APPL2: variants seen among roughly 807,000 people sequenced by gnomAD.
APPL2 encodes the protein adaptor protein, phosphotyrosine interacting with PH domain and leucine zipper 2.
A neutral mutation model predicts 92.7 loss-of-function variants in APPL2; 84 were observed. The ratio of observed to expected loss-of-function variants is 0.91; its 90% CI spans 0.76 to 1.09. The LOEUF (loss-of-function observed/expected upper bound fraction) is 1.09. Ranked by LOEUF, APPL2 falls within the 50% of genes least tolerant of loss-of-function variation. APPL2 has a pLI of 0.00. For missense variants in APPL2, 736 were observed against 824.5 expected, an observed-to-expected ratio of 0.89 and a Z score of 1.31; for synonymous variants, 291 against 291.0, an observed-to-expected ratio of 1.00 and a Z score of 0.00.
intron 17 of APPL2, among the ~76,000 whole-genome samples, chr12:105,182,114 TC>T (rs1450652383): frequency 6.6e-6 from 1 of 152,158 alleles, no homozygotes; most frequent in Non-Finnish European, 1.5e-5. Context: ...AACCTCCACC[TC>T]CCTGGGTTCA....
chr12:105,193,654 T>C (rs886090987), intron 14 of APPL2, among the ~76,000 whole-genome samples: 3 of 152,236 alleles, frequency 2.0e-5, no homozygotes, highest in Admixed American at 6.5e-5. Context: ...ATGCTACTTG[T>C]ATCAACTGTT....
intron 8 of APPL2, among the ~76,000 whole-genome samples, chr12:105,205,156 G>A (rs541815742): frequency 1.5e-4 from 23 of 152,296 alleles, no homozygotes; most frequent in African/African-American, 5.5e-4. Flanking sequence ...TGCCAAGGTC[G>A]GATGAGGCAG....
intron 17 of APPL2, among the ~76,000 whole-genome samples, chr12:105,182,639 G>GTTCTT (rs1449031036): frequency 6.6e-6 from 1 of 152,166 alleles, no homozygotes; most frequent in Non-Finnish European, 1.5e-5. Flanking sequence ...TGTGATTTCT[G>GTTCTT]TTCTTTTGCA....
In APPL2 at chr12:105,195,469, C is replaced by T; in HGVS notation, c.1128G>A (p.Gln376=). 1 of 1,614,154 alleles carries T rather than the reference C, an allele frequency of 6.2e-7. No homozygotes were observed. Among genetic ancestry groups the T allele is most frequent in the South Asian group, 1.1e-5 (1 of 91,084 alleles). The change falls in exon 13 of 21, where the codon CAG becomes CAA. Residue 376 remains glutamine, a synonymous_variant. Coordinates refer to ENST00000258530, the MANE Select transcript of APPL2 (RefSeq NM_018171.5). ...CCTCAGGGTTGTCGGTCAGGTAGAT[C>T]TGTCTGGAGATGTTGTTTATTGCAC... ...WICAINNISR[Q]IYLTDNPEAV...
rs2272491 is a variant in APPL2, at chr12:105,195,505, T to C, written c.1096-4A>G. 3.6e-3 allele frequency: 5,841 copies of C among 1,614,144 alleles called. 262 individuals carry two copies. The East Asian group carries it at 0.097, about 27-fold the overall frequency. On this transcript the variant is annotated splice_region_variant and splice_polypyrimidine_tract_variant and intron_variant, in intron 12 of 20. Transcript: ENST00000258530. ...TGTTGTTTATTGCACATATCCACTG[T>C]AGAGGACATTAAAAAAGAACACTGA...
At chr12:105,186,667 T>TATGTATC (rs1886707358) in intron 17 of APPL2, among the ~76,000 whole-genome samples, 1 of 33,124 alleles carries the variant, frequency 3.0e-5, no homozygotes, top group African/African-American at 6.6e-5. Context: ...ATATATATCA[T>TATGTATC]ATATATGATA....
intron 17 of APPL2, chr12:105,177,488 TAGA>T (rs914146312): frequency 2.7e-5 from 15 of 557,628 alleles, no homozygotes; most frequent in African/African-American, 5.7e-5. Context: ...ATATAGCAAG[TAGA>T]AGATTTAACT....
chr12:105,195,210 A>C (rs537120689), intron 14 of APPL2, 51 bp downstream of exon 14: 84 of 1,548,758 alleles, frequency 5.4e-5, no homozygotes, highest in Admixed American at 5.1e-4. Context: ...TCGTATTCCT[A>C]ATCAATAATT....
chr12:105,179,081 C>T (rs750775081), intron 17 of APPL2, among the ~76,000 whole-genome samples: 1 of 152,072 alleles, frequency 6.6e-6, no homozygotes, highest in African/African-American at 2.4e-5. Context: ...TGGTTTGCTG[C>T]GCCCATCAAC....
At chr12:105,205,844 A>C (rs1888653756) in intron 8 of APPL2, among the ~76,000 whole-genome samples, 1 of 152,236 alleles carries the variant, frequency 6.6e-6, no homozygotes, top group African/African-American at 2.4e-5. Flanking sequence ...ACCTGTGTGC[A>C]CAAGTGCCCA....
chr12:105,213,905 G>C lies in APPL2; in HGVS notation c.286-2588C>G, dbSNP rs118168440. 8.7e-4 allele frequency among the ~76,000 whole-genome samples: 133 copies of C among 152,286 alleles called. 3 individuals carry two copies. In the East Asian group the frequency reaches 0.024, roughly 28 times the overall value. On this transcript the variant is annotated intron_variant, in intron 4 of 20. Coordinates refer to ENST00000258530, the MANE Select transcript of APPL2 (RefSeq NM_018171.5). ...TACTACCTGTAACAACCACACTTCT[G>C]GCTGGGCGTGGTGGCTCACACCTGT...
chr12:105,191,512 C>T (rs1887192471), intron 14 of APPL2, among the ~76,000 whole-genome samples: 1 of 152,124 alleles, frequency 6.6e-6, no homozygotes, highest in African/African-American at 2.4e-5. Flanking sequence ...TTTGGCTCCC[C>T]AGAGAGTCAA....
In APPL2 at chr12:105,189,810, A is replaced by G; in HGVS notation, c.1421T>C (p.Phe474Ser). The G allele has an allele frequency of 1.2e-6, 2 of 1,614,234 alleles. No homozygotes were observed. The highest frequency in any genetic ancestry group is 1.7e-6 in the Non-Finnish European group (2 of 1,180,042). Residue 474 changes from phenylalanine (F) to serine (S), a missense_variant, in exon 16 of 21, where the codon TTT (phenylalanine) becomes TCT (serine). Phe to Ser is a radical substitution (Grantham distance 155). Coordinates refer to ENST00000258530, the MANE Select transcript of APPL2 (RefSeq NM_018171.5). ...QNRGSRRTNP[F>S]GETEDESFPE... ...AAATGATTCATCCTCAGTTTCACCA[A>G]AAGGGTTGGTACGCCTAGGGGAATA...
At position 105,173,736 on chromosome 12, in the gene APPL2, C is replaced by A. The variant is rs931914346; in HGVS notation, c.*578G>T. 3 of 152,248 alleles carry A rather than the reference C, an allele frequency of 2.0e-5. No homozygotes were observed. The highest frequency in any genetic ancestry group is 7.2e-5 in the African/African-American group (3 of 41,420). The allele number at this position is 152,248 out of a possible 1,614,324, so 9.4% of individuals were successfully genotyped here. A position where few individuals can be genotyped will look rare whatever the true frequency, so the allele number is the denominator to read the frequency against. On this transcript the variant is annotated 3_prime_UTR_variant, in exon 21 of 21. Coordinates refer to ENST00000258530, the MANE Select transcript of APPL2 (RefSeq NM_018171.5). ...TATTGCTTGATGTCTGGAACAGTTA[C>A]CGAAACTAGACCTGTATCGCGCATC... is the stretch of plus-strand genomic sequence containing the variant.
chr12:105,215,887 C>T (rs1215377800), intron 4 of APPL2, among the ~76,000 whole-genome samples: 4 of 151,966 alleles, frequency 2.6e-5, no homozygotes, highest in Non-Finnish European at 5.9e-5. Context: ...ACTAAAAATA[C>T]AAAAAATTAG....
intron 1 of APPL2, chr12:105,235,191 AAGG>A (rs766778362): frequency 6.6e-6 from 1 of 152,198 alleles, no homozygotes; most frequent in African/African-American, 2.4e-5. Context: ...ATGTTAAACA[AAGG>A]AGAACAAAAG....
chr12:105,222,340 G>C (rs192133445), intron 2 of APPL2, among the ~76,000 whole-genome samples: 1 of 152,100 alleles, frequency 6.6e-6, no homozygotes, highest in African/African-American at 2.4e-5. Flanking sequence ...TAGATGAGGG[G>C]GACTGATCAG....
intron 2 of APPL2, among the ~76,000 whole-genome samples, chr12:105,220,418 C>T (rs1222729517): frequency 6.6e-6 from 1 of 152,100 alleles, no homozygotes; most frequent in East Asian, 1.9e-4. Flanking sequence ...AGATGCTGGC[C>T]CAAGAGCCAT....
chr12:105,176,141 C>A (rs771227133), intron 19 of APPL2, 59 bp from the exon 20 acceptor site: 3 of 1,479,184 alleles, frequency 2.0e-6, no homozygotes, highest in Middle Eastern at 1.7e-4. Context: ...AATTTTAGAA[C>A]AAATGTGATT....
Sources: allele counts gnomAD v4.1 joint callset (sites outside exome capture counted in the v4.1 genomes callset), GRCh38; gene constraint gnomAD v4.1.1; transcripts MANE v1.5; gene names NCBI Gene and HGNC (gene_info 2026-07-23, HGNC 2026-07-21).